The following ERCC5 variants were observed in gnomAD, a reference collection of about 807,000 sequenced individuals.
ERCC5 encodes DNA excision repair protein ERCC-5.
ERCC5 carries 68 observed loss-of-function variants against 105.6 expected under a neutral mutation model. The observed-to-expected ratio is 0.64, with a 90% CI of 0.53 to 0.79. ERCC5 has a LOEUF of 0.79. Among genes scored for constraint, ERCC5 ranks in the 30% least tolerant of loss-of-function variants. The pLI is 0.00. For missense variants in ERCC5, 1,373 were observed against 1,426.7 expected (o/e 0.96, Z 0.61); for synonymous variants, 546 against 526.2 (o/e 1.04, Z -0.51).
Position 102,846,243 on chromosome 13 carries a change from C to T in ERCC5, c.-24C>T. On this transcript the variant is annotated 5_prime_UTR_variant, in exon 1 of 15. Transcript: ENST00000652225. ...GAATTAGAGTAGAAGTTGTCGGGGT[C>T]CGCTCTTAGGACGCAGCCGCCTCAT... 6.2e-7 allele frequency: 1 copy of T among 1,603,140 alleles called. No homozygotes were observed. Among genetic ancestry groups the T allele is most frequent in the Non-Finnish European group, 8.5e-7 (1 of 1,172,306 alleles).
In ERCC5 at chr13:102,865,795, G is replaced by A. The variant is rs1284489270; in HGVS notation, c.2083G>A (p.Ala695Thr). 2 of 1,614,160 alleles carry A rather than the reference G, an allele frequency of 1.2e-6. No homozygotes were observed. The highest frequency in any genetic ancestry group is 1.1e-5 in the South Asian group (1 of 91,082). Residue 695 changes from alanine (A) to threonine (T), a missense_variant, in exon 9 of 15, where the codon GCT (alanine) becomes ACT (threonine). Physicochemically the swap from Ala to Thr is moderately conservative, Grantham distance 58. This residue lies in a region of ERCC5 where 1,004 missense variants were observed against 1,059.7 expected (regional missense o/e 0.95). Transcript: ENST00000652225. This position sits in a 1 kb window ranked among gnomAD's most constrained non-coding sequence, Gnocchi z 4.0. ...AGGAACTAGGGAGGGAGAAGCCCCT[G>A]CTGAGTCCGAGAGCCTCCTGAGGGA... is the stretch of plus-strand genomic sequence containing the variant. ...LVGTREGEAP[A>T]ESESLLRDNS...
chr13:102,861,419 G>T, intron 6 of ERCC5, 88 bp from the exon 7 acceptor site: 1 of 1,433,288 alleles, frequency 7.0e-7, no homozygotes, highest in South Asian at 1.2e-5. Flanking sequence ...ATTGTTCTTT[G>T]TTCCCTGTTG....
At chr13:102,853,641 A>G (rs893705655) in intron 2 of ERCC5, 116 bp from the exon 3 acceptor site, 1 of 1,020,306 alleles carries the variant, frequency 9.8e-7, no homozygotes, top group African/African-American at 1.6e-5. Context: ...AGGAAATGCT[A>G]AAGCAGCCAT....
At chr13:102,858,526 A>G in intron 6 of ERCC5, 108 bp downstream of exon 6, 1 of 1,448,854 alleles carries the variant, frequency 6.9e-7, no homozygotes, top group Non-Finnish European at 9.6e-7. Context: ...TATCTCAGTT[A>G]ACAGTAAACA....
chr13:102,866,270 G>C lies in ERCC5; in HGVS notation c.2208G>C (p.Leu736Phe), dbSNP rs201744259. Residue 736 changes from leucine (L) to phenylalanine (F), a missense_variant, in exon 10 of 15, where the codon TTG becomes TTC. Around this residue, in one of 3 missense-constraint regions of ERCC5, gnomAD observed 1,004 missense variants for 1,059.7 expected, o/e 0.95. Transcript: ENST00000652225. ...HEWQDINLEE[L>F]ETLESNLLAQ... Reference sequence around the variant, plus strand: ...GAAAAAACATTTTATAGGAGGAGTTGGAAACTCTGGAGAGCAACCTCTTAG... The same window carrying C: ...GAAAAAACATTTTATAGGAGGAGTTCGAAACTCTGGAGAGCAACCTCTTAG... The C allele has an allele frequency of 4.0e-5, 65 of 1,614,172 alleles. No individual in the cohort carries two copies. In the East Asian group the frequency reaches 8.0e-4, roughly 20 times the overall value.
chr13:102,864,726 G>C (rs1882771646), intron 8 of ERCC5: 1 of 152,190 alleles, frequency 6.6e-6, no homozygotes, highest in Non-Finnish European at 1.5e-5. Flanking sequence ...GACACCACAA[G>C]CTGGATGTGA....
chr13:102,862,508 T>A lies in ERCC5; in HGVS notation c.1359T>A (p.Ser453=). The A allele has an allele frequency of 6.2e-7, 1 of 1,614,118 alleles. No individual in the cohort carries two copies. The highest frequency in any genetic ancestry group is 8.5e-7 in the Non-Finnish European group (1 of 1,180,044). The change falls in exon 8 of 15, where the codon TCT becomes TCA. Residue 453 remains serine (S), a synonymous_variant. Coordinates refer to ENST00000652225, the MANE Select transcript of ERCC5 (RefSeq NM_000123.4). ...CACTTGCGTCATCTAGTGTGAACTC[T>A]GCAGAGGAGCACGTAGCCAGCACTA... ...TATLASSSVN[S]AEEHVASTNE...
At position 102,872,377 on chromosome 13, in the gene ERCC5, C is replaced by G. The variant is rs1840214736; in HGVS notation, c.2858C>G (p.Pro953Arg). The change falls in exon 13 of 15, where the codon CCT (proline) becomes CGT (arginine). Residue 953 changes from proline to arginine, a missense_variant. Physicochemically the swap from Pro to Arg is moderately radical, Grantham distance 103 (BLOSUM62 -2). Transcript: ENST00000652225. The stretch of plus-strand genomic sequence containing the variant: ...AAGGGATCCTTTCTGTGGGGGAAAC[C>G]TGATCTCGACAAAATTAGAGAATAT... ...DSKGSFLWGK[P>R]DLDKIREFCQ... 6.2e-7 allele frequency: 1 copy of G among 1,614,180 alleles called. No individual in the cohort carries two copies. Among genetic ancestry groups the G allele is most frequent in the African/African-American group, 1.3e-5 (1 of 75,030 alleles).
In ERCC5 at chr13:102,856,617, C is replaced by T. The variant is rs4150283; in HGVS notation, c.528+505C>T. On this transcript the variant is annotated intron_variant, in intron 5 of 14. Transcript: ENST00000652225. ...TAGTGGTTAAAACATCATTTGTTATCGTCATCTGTCTGGGTTCCAGGGGTA... is the reference window on the plus strand; with the variant it reads ...TAGTGGTTAAAACATCATTTGTTATTGTCATCTGTCTGGGTTCCAGGGGTA... 1.3e-4 allele frequency among the ~76,000 whole-genome samples: 20 copies of T among 152,138 alleles called. 1 individual carries two copies. The highest frequency in any genetic ancestry group is 2.1e-4 in the Non-Finnish European group (14 of 68,036).
At chr13:102,850,655 C>G (rs540696874) in intron 1 of ERCC5, among the ~76,000 whole-genome samples, 1 of 152,246 alleles carries the variant, frequency 6.6e-6, no homozygotes, top group East Asian at 1.9e-4. Context: ...ATGGCAGGGA[C>G]ATTCACTGAG....
At chr13:102,875,173 T>G in intron 14 of ERCC5, 134 bp from the exon 15 acceptor site, 1 of 1,036,346 alleles carries the variant, frequency 9.6e-7, no homozygotes, top group East Asian at 2.6e-5. Flanking sequence ...GAACTGGGTT[T>G]TGGGAGATAA....
In ERCC5 at chr13:102,862,015, T is replaced by C. The variant is rs770624193; in HGVS notation, c.881-15T>C. ...GTAAAACTGAATGGTGAGAAGTGTT[T>C]TAATTCTTCTTAAGGTATTCAAGCT... On this transcript the variant is annotated splice_polypyrimidine_tract_variant and intron_variant, in intron 7 of 14. Transcript: ENST00000652225. 1 of 1,613,810 alleles carries C rather than the reference T, an allele frequency of 6.2e-7. No individual in the cohort carries two copies. The highest frequency in any genetic ancestry group is 8.5e-7 in the Non-Finnish European group (1 of 1,179,844).
rs1882172414 is a variant in ERCC5, at chr13:102,850,796, G to A, written c.89-1322G>A. On this transcript the variant is annotated intron_variant, in intron 1 of 14. Coordinates refer to ENST00000652225, the MANE Select transcript of ERCC5 (RefSeq NM_000123.4). ...TGTTCTGGGGTCAGGAGCGTGCTCT[G>A]GGCCAGACATATACATGGAGTCAGG... 1.3e-5 allele frequency among the ~76,000 whole-genome samples: 2 copies of A among 152,110 alleles called. 1 individual carries two copies. The highest frequency in any genetic ancestry group is 4.1e-4 in the South Asian group (2 of 4,826).
chr13:102,858,487 G>A (rs1045495042), intron 6 of ERCC5, 69 bp downstream of exon 6: 49 of 1,607,202 alleles, frequency 3.0e-5, no homozygotes, highest in Non-Finnish European at 3.5e-5. Context: ...TTAGAAAGAA[G>A]AGAAAATTGA....
intron 1 of ERCC5, chr13:102,849,299 C>G (rs144607821): frequency 5.8e-6 from 3 of 518,600 alleles, no homozygotes; most frequent in South Asian, 4.2e-5. Flanking sequence ...ATCTGTTCTT[C>G]ACATGTTCAT....
intron 6 of ERCC5, 95 bp downstream of exon 6, chr13:102,858,513 C>T (rs761942956): frequency 4.0e-5 from 61 of 1,537,458 alleles, no homozygotes; most frequent in South Asian, 1.2e-4. Context: ...AATACTTACA[C>T]GATATCTCAG....
At position 102,856,125 on chromosome 13, in the gene ERCC5, T is replaced by G; in HGVS notation, c.528+13T>G. ...ACAAGCATTACAGGTATTTAGATCA[T>G]TTTTGAATTCAGAATGTATTCTGTT... On this transcript the variant is annotated intron_variant, in intron 5 of 14. Coordinates refer to ENST00000652225, the MANE Select transcript of ERCC5 (RefSeq NM_000123.4). 6.2e-7 allele frequency: 1 copy of G among 1,609,110 alleles called. No homozygotes were observed.
At chr13:102,855,373 C>T (rs568271297) in intron 4 of ERCC5, among the ~76,000 whole-genome samples, 63 of 152,156 alleles carry the variant, frequency 4.1e-4, no homozygotes, top group South Asian at 1.0e-3. Context: ...CCTCAGCCTC[C>T]GGAGTAGCTG....
At position 102,875,292 on chromosome 13, in the gene ERCC5, T is replaced by C; in HGVS notation, c.2965-15T>C. ...TGTCTGATTTATTATTATTATTCTT[T>C]TGTTATTTTTTTAGACACAGCTCCG... is the stretch of plus-strand genomic sequence containing the variant. On this transcript the variant is annotated splice_polypyrimidine_tract_variant and intron_variant, in intron 14 of 14. Coordinates refer to ENST00000652225, the MANE Select transcript of ERCC5 (RefSeq NM_000123.4). 7 of 1,611,250 alleles carry C rather than the reference T, an allele frequency of 4.3e-6. No homozygotes were observed. The highest frequency in any genetic ancestry group is 5.9e-6 in the Non-Finnish European group (7 of 1,178,342).
Sources: allele counts gnomAD v4.1 joint callset (sites outside exome capture counted in the v4.1 genomes callset), GRCh38; gene constraint gnomAD v4.1.1; regional missense constraint gnomAD v4.1.1; non-coding constraint Gnocchi (gnomAD v3.1); transcripts MANE v1.5; gene names NCBI Gene and HGNC (gene_info 2026-07-23, HGNC 2026-07-21).